The following LRRC36 variants were observed in gnomAD, a reference collection of about 807,000 sequenced individuals.
LRRC36 encodes the protein leucine-rich repeat-containing protein 36.
A neutral mutation model predicts 81.1 loss-of-function variants in LRRC36; 62 were observed. The ratio of observed to expected loss-of-function variants is 0.76; its 90% CI spans 0.62 to 0.94. The LOEUF is 0.94. LRRC36 is among the 40% of genes least tolerant of loss of function. The probability of loss-of-function intolerance (pLI) is 0.00; values close to 1 mark genes in which losing one functional copy is unlikely to be tolerated. For missense variants in LRRC36, 761 were observed against 881.7 expected (o/e 0.86, Z 1.73); for synonymous variants, 334 against 348.6 (o/e 0.96, Z 0.47).
intron 1 of LRRC36, chr16:67,327,168 G>A (rs1042350022): frequency 4.5e-6 from 2 of 446,532 alleles, no homozygotes; most frequent in African/African-American, 4.1e-5. Flanking sequence ...GAGAGAAGAG[G>A]GGAGTGTGAA....
At chr16:67,376,051 T>G (rs1238224906) in intron 10 of LRRC36, among the ~76,000 whole-genome samples, 1 of 152,222 alleles carries the variant, frequency 6.6e-6, no homozygotes, top group East Asian at 1.9e-4. Context: ...GACTAACGCC[T>G]GTAATCCCAG....
chr16:67,356,421 A>G (rs988105806), intron 5 of LRRC36, among the ~76,000 whole-genome samples: 2 of 152,230 alleles, frequency 1.3e-5, no homozygotes, highest in Non-Finnish European at 2.9e-5. Flanking sequence ...CTCTTATAGA[A>G]ATCCAGATGT....
At chr16:67,337,200 T>C (rs2037802188) in intron 1 of LRRC36, among the ~76,000 whole-genome samples, 1 of 152,180 alleles carries the variant, frequency 6.6e-6, no homozygotes, top group South Asian at 2.1e-4. Flanking sequence ...CTGCTATGGA[T>C]GTTGGTGTAC....
intron 1 of LRRC36, among the ~76,000 whole-genome samples, chr16:67,328,065 C>A (rs1307098724): frequency 6.6e-6 from 1 of 151,986 alleles, no homozygotes; most frequent in African/African-American, 2.4e-5. Context: ...GTAGCTGAAG[C>A]GTATGATGTG....
chr16:67,346,540 G>A, intron 3 of LRRC36, 92 bp downstream of exon 3: 1 of 671,424 alleles, frequency 1.5e-6, no homozygotes, highest in Admixed American at 2.7e-5. Flanking sequence ...AGTGTGCACT[G>A]GCAGGATATA....
rs2040134818 is a variant in LRRC36, at chr16:67,382,148, A to G, written c.1946A>G (p.Lys649Arg). ...CCCTTTGTAGATGATCTTCTGCACA[A>G]AAACCAACAGCTGACCATGCAGGTG... ...QSHTYDDLLH[K>R]NQQLTMQVAC... is the part of the protein sequence containing the mutation. Residue 649 changes from lysine to arginine, a missense_variant, in exon 13 of 14, where the codon AAA (lysine) becomes AGA (arginine). Physicochemically the swap from Lys to Arg is conservative, Grantham distance 26. Around this residue, in one of 3 missense-constraint regions of LRRC36, gnomAD observed 359 missense variants for 388.4 expected, o/e 0.92. Coordinates refer to ENST00000329956, the MANE Select transcript of LRRC36 (RefSeq NM_018296.6). The G allele has an allele frequency of 6.2e-7, 1 of 1,613,796 alleles. No individual in the cohort carries two copies. Among genetic ancestry groups the G allele is most frequent in the African/African-American group, 1.3e-5 (1 of 74,906 alleles).
At chr16:67,332,931 G>T (rs1348596258) in intron 1 of LRRC36, among the ~76,000 whole-genome samples, 1 of 150,592 alleles carries the variant, frequency 6.6e-6, no homozygotes, top group African/African-American at 2.5e-5. Flanking sequence ...TTATTCTGTT[G>T]CCCAAGCTGG....
At chr16:67,363,882 A>G (rs1322129515) in intron 6 of LRRC36, among the ~76,000 whole-genome samples, 168 bp downstream of exon 6, 1 of 152,186 alleles carries the variant, frequency 6.6e-6, no homozygotes, top group Non-Finnish European at 1.5e-5. Flanking sequence ...CTTCTCCATT[A>G]ATTTCAATCT....
At chr16:67,363,440 G>A in intron 5 of LRRC36, 150 bp from the exon 6 acceptor site, 1 of 644,496 alleles carries the variant, frequency 1.6e-6, no homozygotes, top group Admixed American at 3.0e-5. Context: ...GAGGTTAAGT[G>A]ATTTGCTCAA....
rs573231063 is a variant in LRRC36, at chr16:67,341,032, A to G, written c.71-925A>G. ...GTATTCTATAGAATATGTACTCTAC[A>G]TATTCTATAGAATATGTACTCTACA... On this transcript the variant is annotated intron_variant, in intron 1 of 13. Transcript: ENST00000329956. 2.9e-4 allele frequency among the ~76,000 whole-genome samples: 36 copies of G among 122,468 alleles called. 9 individuals are homozygous for G. The highest frequency in any genetic ancestry group is 1.2e-3 in the African/African-American group (36 of 30,466). The allele number at this position is 122,468 out of a possible 152,430, so 80.3% of individuals were successfully genotyped here.
intron 1 of LRRC36, among the ~76,000 whole-genome samples, chr16:67,339,593 G>A (rs2037933490): frequency 2.0e-5 from 3 of 152,046 alleles, no homozygotes; most frequent in Non-Finnish European, 4.4e-5. Context: ...TTACACTTAG[G>A]TGGGAAAGGT....
At chr16:67,354,423 G>A (rs1208496150) in intron 5 of LRRC36, among the ~76,000 whole-genome samples, 2 of 151,920 alleles carry the variant, frequency 1.3e-5, no homozygotes, top group African/African-American at 2.4e-5. Flanking sequence ...GATTACAGGC[G>A]TGTACCACCA....
Position 67,384,917 on chromosome 16 carries a change from A to T in LRRC36, c.2093A>T (p.Glu698Val), listed in dbSNP as rs766239352. ...TATCTGCTGCAGCAGCTGAATAAGG[A>T]GCCAAAAGGTTATTCCGGGAAAGCG... ...NEYLLQQLNK[E>V]PKGYSGKALL... The change falls in exon 14 of 14, where the codon GAG (glutamate) becomes GTG (valine). Residue 698 changes from glutamate to valine, a missense_variant. Transcript: ENST00000329956. The T allele has an allele frequency of 6.2e-7, 1 of 1,614,152 alleles. No individual in the cohort carries two copies. Among genetic ancestry groups the T allele is most frequent in the South Asian group, 1.1e-5 (1 of 91,076 alleles).
intron 8 of LRRC36, among the ~76,000 whole-genome samples, chr16:67,369,700 G>A (rs939048129): frequency 1.3e-5 from 2 of 152,184 alleles, no homozygotes; most frequent in Non-Finnish European, 2.9e-5. Context: ...TGAATGAGGA[G>A]CAAAGTCACG....
At chr16:67,374,021 A>T (rs2039776342) in intron 9 of LRRC36, among the ~76,000 whole-genome samples, 1 of 151,536 alleles carries the variant, frequency 6.6e-6, no homozygotes, top group South Asian at 2.1e-4. Flanking sequence ...TCAAAAAATA[A>T]ATAAACACAT....
rs867272122 is a variant in LRRC36 at position 67,326,929 on chromosome 16, C to T, written c.67C>T (p.Pro23Ser). 3.3e-6 allele frequency: 5 copies of T among 1,497,304 alleles called. No individual in the cohort carries two copies. Among genetic ancestry groups the T allele is most frequent in the African/African-American group, 1.5e-5 (1 of 68,140 alleles). The allele number at this position is 1,497,304 out of a possible 1,614,324, so 92.8% of individuals were successfully genotyped here. A position where few individuals can be genotyped will look rare whatever the true frequency, so the allele number is the denominator to read the frequency against. ...RRLGALTLEQ[P>S]ELVESLSLQG... ...CCTGGGGGCGCTGACGCTGGAGCAG[C>T]CGGGTAGGGTCTGGCCGGGAGGGTG... Residue 23 changes from proline (P) to serine (S), a missense_variant, in exon 1 of 14, where the codon CCG becomes TCG. This residue lies in a region of LRRC36 where 263 missense variants were observed against 279.3 expected (regional missense o/e 0.94). Transcript: ENST00000329956.
intron 1 of LRRC36, among the ~76,000 whole-genome samples, chr16:67,334,614 C>T (rs1051254714): frequency 5.3e-5 from 8 of 152,220 alleles, no homozygotes; most frequent in Admixed American, 3.3e-4. Flanking sequence ...CATGAGCCAG[C>T]GTGCCTGGCC....
chr16:67,336,735 G>A (rs1330435054), intron 1 of LRRC36: 1 of 151,094 alleles, frequency 6.6e-6, no homozygotes, highest in African/African-American at 2.4e-5. Context: ...CTACAGGTAT[G>A]TGCCACTGCA....
intron 5 of LRRC36, among the ~76,000 whole-genome samples, chr16:67,359,654 T>C (rs1450306882): frequency 6.6e-6 from 1 of 152,216 alleles, no homozygotes; most frequent in Non-Finnish European, 1.5e-5. Flanking sequence ...AAAATAAAGC[T>C]TCTCCCACAG....
Sources: allele counts gnomAD v4.1 joint callset (sites outside exome capture counted in the v4.1 genomes callset), GRCh38; gene constraint gnomAD v4.1.1; regional missense constraint gnomAD v4.1.1; transcripts MANE v1.5; gene names NCBI Gene and HGNC (gene_info 2026-07-23, HGNC 2026-07-21).